RBFOX1: variants seen among roughly 807,000 people sequenced by gnomAD.
RBFOX1 encodes RNA binding protein fox-1 homolog 1.
A neutral mutation model predicts 57.7 loss-of-function variants in RBFOX1; 8 were observed. That is an observed-to-expected ratio of 0.14 (90% CI 0.08 to 0.25). RBFOX1 has a LOEUF of 0.25. RBFOX1 is among the 10% of genes least tolerant of loss of function. The probability of loss-of-function intolerance (pLI) is 1.00; values close to 1 mark genes in which losing one functional copy is unlikely to be tolerated. For synonymous variants in RBFOX1, 326 were observed against 222.4 expected, an observed-to-expected ratio of 1.47 and a Z score of -4.15; for missense variants, 611 against 548.5, an observed-to-expected ratio of 1.11 and a Z score of -1.14.
At chr16:7,447,420 G>A (rs1350672887) in intron 4 of RBFOX1, among the ~76,000 whole-genome samples, 2 of 124,400 alleles carry the variant, frequency 1.6e-5, no homozygotes, top group Non-Finnish European at 3.2e-5. Context: ...CCAACCGAGT[G>A]AGTCTATCTC....
chr16:5,716,347 C>A (rs912494469), intron 3 of RBFOX1, among the ~76,000 whole-genome samples: 3 of 152,266 alleles, frequency 2.0e-5, no homozygotes, highest in Non-Finnish European at 4.4e-5. Flanking sequence ...ATTGTTTCAT[C>A]CCCCAGGCAT....
intron 1 of RBFOX1, among the ~76,000 whole-genome samples, chr16:5,359,389 A>G (rs1178847747): frequency 6.6e-6 from 1 of 152,232 alleles, no homozygotes; most frequent in Non-Finnish European, 1.5e-5. Flanking sequence ...AGGAGCCTCC[A>G]AACTGTTCTC....
intron 4 of RBFOX1, among the ~76,000 whole-genome samples, chr16:7,194,526 T>C (rs1255847244): frequency 2.6e-5 from 4 of 152,130 alleles, no homozygotes; most frequent in Non-Finnish European, 2.9e-5. Context: ...TACATTTAAA[T>C]TACCAAACAG....
chr16:7,518,383 C>T lies in RBFOX1; in HGVS notation c.264C>T (p.Thr88=), dbSNP rs202136920. 3.5e-5 allele frequency: 57 copies of T among 1,609,092 alleles called. No homozygotes were observed. The African/African-American group carries it at 6.1e-4, about 17-fold the overall frequency. ...CGAGCGCTCAGACCGTCTCTGGCAC[C>T]GCCACAGTAAGTGGACGTGTTTGCT... ...ADTSAQTVSG[T]ATQTDDAAPT... Residue 88 remains threonine (T), a synonymous_variant, in exon 5 of 16, where the codon ACC becomes ACT. Transcript: ENST00000550418.
intron 4 of RBFOX1, among the ~76,000 whole-genome samples, chr16:7,209,988 A>G (rs377063581): frequency 1.2e-3 from 176 of 152,336 alleles, no homozygotes; most frequent in African/African-American, 3.8e-3. Flanking sequence ...TGCTTATTAA[A>G]CTGCCTTGCC....
intron 1 of RBFOX1, among the ~76,000 whole-genome samples, chr16:5,314,180 C>T (rs2064167710): frequency 6.6e-6 from 1 of 152,162 alleles, no homozygotes; most frequent in Non-Finnish European, 1.5e-5. Flanking sequence ...AGTCACTTGG[C>T]CCAGGTCATG....
rs570968569 is a variant in RBFOX1 at position 7,713,185 on chromosome 16, T to C, written c.*2440T>C. The C allele has an allele frequency of 3.9e-5, 6 of 152,332 alleles. No homozygotes were observed. In the East Asian group the frequency reaches 9.6e-4, roughly 24 times the overall value. The allele number at this position is 152,332 out of a possible 1,614,324, so 9.4% of individuals were successfully genotyped here. On this transcript the variant is annotated 3_prime_UTR_variant, in exon 16 of 16. Coordinates refer to ENST00000550418, the MANE Select transcript of RBFOX1 (RefSeq NM_018723.4). ...GAAAATTAATATTATGTGTGGCATA[T>C]AGTGACTTCTTAACACACACATCAC...
chr16:6,398,696 C>T (rs545582507), intron 2 of RBFOX1, among the ~76,000 whole-genome samples: 3 of 152,346 alleles, frequency 2.0e-5, no homozygotes, highest in Admixed American at 1.3e-4. Context: ...CCTTGGGCAG[C>T]TCTGCCCCTA....
rs796487413 is a variant in RBFOX1, at chr16:5,321,326, GT to G, written c.219+81232del. Among the ~76,000 whole-genome samples the G allele has an allele frequency of 2.8e-3, 58 of 20,450 alleles. 1 individual carries two copies. Among genetic ancestry groups the G allele is most frequent in the African/African-American group, 3.4e-3 (50 of 14,610 alleles). 13.4% of individuals were successfully genotyped at this position (20,450 alleles called of 152,430 possible). Reference sequence around the variant, plus strand: ...ACATGAGATATAAGAGATAACTTTTGTTTTTTTTTTTGAGATGGAGTCTCGC... The same window carrying G: ...ACATGAGATATAAGAGATAACTTTTGTTTTTTTTTTGAGATGGAGTCTCGC... On this transcript the variant is annotated intron_variant, in intron 1 of 2. Coordinates refer to the RBFOX1 transcript ENST00000585867.
At chr16:7,634,449 A>G (rs1006202465) in intron 11 of RBFOX1, among the ~76,000 whole-genome samples, 2 of 151,952 alleles carry the variant, frequency 1.3e-5, no homozygotes, top group Non-Finnish European at 2.9e-5. Flanking sequence ...TCATCTGTAA[A>G]TAACATCCTT....
At chr16:7,255,524 G>C (rs1259621652) in intron 4 of RBFOX1, among the ~76,000 whole-genome samples, 1 of 152,140 alleles carries the variant, frequency 6.6e-6, no homozygotes, top group Non-Finnish European at 1.5e-5. Flanking sequence ...CTTATATTTA[G>C]TGTAAAAGAG....
At chr16:7,710,327 TATAAAAAA>T in intron 15 of RBFOX1, 1 of 1,229,506 alleles carries the variant, frequency 8.1e-7, no homozygotes, top group Non-Finnish European at 1.0e-6. Context: ...ATTATTCTGT[TATAAAAAA>T]ATGAGACAGT....
At chr16:6,706,433 G>C (rs115545263) in intron 3 of RBFOX1, among the ~76,000 whole-genome samples, 57 of 152,340 alleles carry the variant, frequency 3.7e-4, no homozygotes, top group African/African-American at 1.2e-3. Context: ...ATAATTAGTA[G>C]CCTCCCCTTC....
intron 4 of RBFOX1, among the ~76,000 whole-genome samples, chr16:7,262,511 G>A (rs891013401): frequency 6.6e-6 from 1 of 152,254 alleles, no homozygotes. Context: ...TATTCCTACT[G>A]CAATGAGCCA....
chr16:6,825,518 T>G (rs2092007403), intron 3 of RBFOX1, among the ~76,000 whole-genome samples: 1 of 152,164 alleles, frequency 6.6e-6, no homozygotes, highest in African/African-American at 2.4e-5. Flanking sequence ...TGAATCTCAC[T>G]TTTTGAACAG....
chr16:7,070,981 G>C (rs1002587032), intron 4 of RBFOX1, among the ~76,000 whole-genome samples: 2 of 152,146 alleles, frequency 1.3e-5, no homozygotes, highest in Non-Finnish European at 2.9e-5. Context: ...TGCCCAGAGT[G>C]GCATGTTGTC....
At chr16:6,173,966 C>G (rs1403293871) in intron 1 of RBFOX1, among the ~76,000 whole-genome samples, 1 of 152,004 alleles carries the variant, frequency 6.6e-6, no homozygotes, top group Non-Finnish European at 1.5e-5. Context: ...GTTACAGAGT[C>G]CTTCACAGTG....
intron 4 of RBFOX1, among the ~76,000 whole-genome samples, chr16:7,481,591 G>A (rs1307846055): frequency 6.6e-6 from 1 of 152,124 alleles, no homozygotes; most frequent in Non-Finnish European, 1.5e-5. Flanking sequence ...ATCCCTGAAG[G>A]AATCTTGCAG....
intron 2 of RBFOX1, among the ~76,000 whole-genome samples, chr16:5,507,575 G>T (rs1454311236): frequency 6.6e-6 from 1 of 152,196 alleles, no homozygotes; most frequent in Non-Finnish European, 1.5e-5. Flanking sequence ...CACAAGATAT[G>T]TTGAAGTCCT....
Sources: allele counts gnomAD v4.1 joint callset (sites outside exome capture counted in the v4.1 genomes callset), GRCh38; gene constraint gnomAD v4.1.1; transcripts MANE v1.5; gene names NCBI Gene and HGNC (gene_info 2026-07-23, HGNC 2026-07-21).